TET3: variants seen among roughly 807,000 people sequenced by gnomAD.
TET3 encodes methylcytosine dioxygenase TET3.
TET3 carries 19 observed loss-of-function variants against 141.4 expected under a neutral mutation model. The ratio of observed to expected loss-of-function variants is 0.13; its 90% confidence interval spans 0.09 to 0.20. TET3 has a LOEUF of 0.20. TET3 is among the 10% of genes least tolerant of loss of function. The pLI, the probability that TET3 is intolerant of heterozygous loss-of-function variation, is 1.00. For missense variants in TET3, 1,874 were observed against 2,356.9 expected (o/e 0.80, Z 4.24); for synonymous variants, 1,043 against 980.9 (o/e 1.06, Z -1.18).
chr2:74,113,745 A>C, the TET3 span, among the ~76,000 whole-genome samples: 5 of 152,186 alleles, frequency 3.3e-5, no homozygotes, highest in Admixed American at 1.3e-4. Flanking sequence ...AATTTAACCA[A>C]GGAGGTGAAA....
chr2:74,004,611 C>T lies in TET3; in HGVS notation c.360+1445C>T, dbSNP rs571337466. On this transcript the variant is annotated intron_variant, in intron 3 of 11. Coordinates refer to ENST00000409262, the MANE Select transcript of TET3 (RefSeq NM_001287491.2). ...AGGGGGCATCGGCTTCCCCGTCTAG[C>T]GGGTGTGCTTTAGTGAGACTGGGAG... 8.5e-4 allele frequency among the ~76,000 whole-genome samples: 130 copies of T among 152,222 alleles called. 1 individual carries two copies. The highest frequency in any genetic ancestry group is 2.5e-3 in the African/African-American group (105 of 41,540).
chr2:74,118,739 T>C, the TET3 span, among the ~76,000 whole-genome samples: 6 of 152,164 alleles, frequency 3.9e-5, no homozygotes, highest in African/African-American at 1.2e-4. Context: ...ATAACACATA[T>C]ATATGAACCA....
the TET3 span, among the ~76,000 whole-genome samples, chr2:74,116,870 G>A: frequency 2.0e-5 from 3 of 152,146 alleles, no homozygotes; most frequent in East Asian, 1.9e-4. Context: ...AGTCCATGGT[G>A]AGCAAAGCCC....
At chr2:74,123,047 C>A in the TET3 span, 1 of 152,204 alleles carries the variant, frequency 6.6e-6, no homozygotes, top group East Asian at 1.9e-4. Flanking sequence ...TTGGAAAACC[C>A]TCTACATGTT....
intron 3 of TET3, among the ~76,000 whole-genome samples, chr2:74,012,077 C>T (rs1412329064): frequency 6.6e-6 from 1 of 152,220 alleles, no homozygotes; most frequent in Non-Finnish European, 1.5e-5. Flanking sequence ...CCTCCTGCCT[C>T]AGCCTCCTGA....
intron 5 of TET3, among the ~76,000 whole-genome samples, chr2:74,076,256 A>G (rs1411043171): frequency 2.0e-4 from 30 of 152,038 alleles, no homozygotes. Context: ...GACCAGGAAT[A>G]CTTGTGTTTT....
At chr2:74,056,977 T>C (rs1558754293) in intron 4 of TET3, among the ~76,000 whole-genome samples, 1 of 152,184 alleles carries the variant, frequency 6.6e-6, no homozygotes, top group Non-Finnish European at 1.5e-5. Context: ...AGCCATGCTC[T>C]CTGGAAACCA....
At chr2:74,021,386 C>T (rs1686035710) in intron 3 of TET3, among the ~76,000 whole-genome samples, 1 of 152,250 alleles carries the variant, frequency 6.6e-6, no homozygotes, top group Non-Finnish European at 1.5e-5. Flanking sequence ...CTTTAGCCCA[C>T]CCGTTGGACA....
intron 3 of TET3, among the ~76,000 whole-genome samples, chr2:74,037,536 A>C (rs907029421): frequency 6.6e-6 from 1 of 152,232 alleles, no homozygotes; most frequent in Non-Finnish European, 1.5e-5. Context: ...CTGGCTTAGC[A>C]GGGTGGGGTG....
intron 10 of TET3, among the ~76,000 whole-genome samples, chr2:74,097,206 CACACACACACACACACACACACACAT>C (rs1416651150): frequency 6.8e-6 from 1 of 146,690 alleles, no homozygotes; most frequent in Non-Finnish European, 1.5e-5. Flanking sequence ...CACACACACA[CACACACACACACACACACACACACAT>C]ACATTCAAAT....
At chr2:74,026,295 C>T (rs1445090791) in intron 3 of TET3, among the ~76,000 whole-genome samples, 4 of 152,160 alleles carry the variant, frequency 2.6e-5, no homozygotes, top group African/African-American at 9.7e-5. Context: ...GGGTAGGGCC[C>T]AGCCGCTGCT....
the TET3 span, chr2:74,135,433 T>A: frequency 1.7e-6 from 2 of 1,207,750 alleles, no homozygotes; most frequent in Non-Finnish European, 2.4e-6. Flanking sequence ...TTTGTTTCCT[T>A]TAATTAACAT....
At chr2:74,029,749 A>G (rs1027198888) in intron 3 of TET3, among the ~76,000 whole-genome samples, 2 of 152,132 alleles carry the variant, frequency 1.3e-5, no homozygotes, top group Non-Finnish European at 2.9e-5. Context: ...TCCTTATTCT[A>G]TGCCTATGAC....
chr2:74,071,518 G>A (rs1689201338), intron 4 of TET3, among the ~76,000 whole-genome samples: 3 of 152,050 alleles, frequency 2.0e-5, no homozygotes, highest in African/African-American at 4.8e-5. Flanking sequence ...TTAGTGCAGC[G>A]AATTCCTGTA....
chr2:74,085,822 T>C (rs1197839815), intron 6 of TET3, among the ~76,000 whole-genome samples: 1 of 152,020 alleles, frequency 6.6e-6, no homozygotes, highest in Non-Finnish European at 1.5e-5. Context: ...CTCAGGATGC[T>C]CCCAGTTAAC....
intron 4 of TET3, among the ~76,000 whole-genome samples, chr2:74,065,548 T>C (rs1688833574): frequency 6.9e-6 from 1 of 144,062 alleles, no homozygotes; most frequent in Admixed American, 6.7e-5. Flanking sequence ...CCTGATTTCT[T>C]TTTTTTGTTT....
the TET3 span, among the ~76,000 whole-genome samples, chr2:74,131,918 T>G: frequency 2.2e-5 from 3 of 138,852 alleles, no homozygotes; most frequent in Non-Finnish European, 4.7e-5. Context: ...AACAACTGGG[T>G]GGGGGGGCCC....
intron 2 of TET3, among the ~76,000 whole-genome samples, chr2:73,987,160 T>C (rs947964381): frequency 6.6e-6 from 1 of 152,212 alleles, no homozygotes; most frequent in Non-Finnish European, 1.5e-5. Flanking sequence ...GTTTCTTTCA[T>C]CGTTTTTCTC....
chr2:73,987,955 G>C (rs1684129548), intron 2 of TET3, among the ~76,000 whole-genome samples: 1 of 152,224 alleles, frequency 6.6e-6, no homozygotes, highest in African/African-American at 2.4e-5. Context: ...GTTGAGGACA[G>C]GGACATGGGG....
Sources: allele counts gnomAD v4.1 joint callset (sites outside exome capture counted in the v4.1 genomes callset), GRCh38; gene constraint gnomAD v4.1.1; transcripts MANE v1.5; gene names NCBI Gene and HGNC (gene_info 2026-07-23, HGNC 2026-07-21).